ST3GAL1: variants seen among roughly 807,000 people sequenced by gnomAD.
ST3GAL1 encodes CMP-N-acetylneuraminate-beta-galactosamide-alpha-2,3-sialyltransferase 1.
A neutral mutation model predicts 34.1 loss-of-function variants in ST3GAL1; 16 were observed. The ratio of observed to expected loss-of-function variants is 0.47; its 90% CI spans 0.32 to 0.71. ST3GAL1 has a LOEUF of 0.71. ST3GAL1 is among the 30% of genes least tolerant of loss of function. The pLI, the probability that ST3GAL1 is intolerant of heterozygous loss-of-function variation, is 0.04. For missense variants in ST3GAL1, 353 were observed against 447.4 expected, an observed-to-expected ratio of 0.79 and a Z score of 1.90; for synonymous variants, 191 against 184.7, an observed-to-expected ratio of 1.03 and a Z score of -0.28.
At chr8:133,490,618 C>A (rs1816757894) in intron 3 of ST3GAL1, among the ~76,000 whole-genome samples, 1 of 152,142 alleles carries the variant, frequency 6.6e-6, no homozygotes, top group South Asian at 2.1e-4. Flanking sequence ...GGAGGGTAAA[C>A]CAGGCCTGTG....
chr8:133,468,706 G>A lies in ST3GAL1; in HGVS notation c.307-2616C>T, dbSNP rs186893308. On this transcript the variant is annotated intron_variant, in intron 5 of 9. Coordinates refer to ENST00000522652, the MANE Select transcript of ST3GAL1 (RefSeq NM_173344.3). ...GATTCTGATGGGATCATCCAGGGTGGCTCCATGATCCTGAATGTGCGGAAA... is the reference window on the plus strand; with the variant it reads ...GATTCTGATGGGATCATCCAGGGTGACTCCATGATCCTGAATGTGCGGAAA... 7.9e-5 allele frequency among the ~76,000 whole-genome samples: 12 copies of A among 152,322 alleles called. No individual in the cohort carries two copies. The East Asian group carries it at 1.5e-3, about 20-fold the overall frequency.
chr8:133,554,056 T>G (rs1261216837), intron 1 of ST3GAL1, among the ~76,000 whole-genome samples: 1 of 152,120 alleles, frequency 6.6e-6, no homozygotes, highest in Non-Finnish European at 1.5e-5. Flanking sequence ...ATCCACCCAA[T>G]CAGGGCTGTA....
chr8:133,541,398 G>A (rs915260577), intron 2 of ST3GAL1, among the ~76,000 whole-genome samples: 4 of 152,072 alleles, frequency 2.6e-5, no homozygotes, highest in South Asian at 4.2e-4. Flanking sequence ...CTGCAGAGAC[G>A]CCTGGTTCTG....
chr8:133,564,519 T>TACACACACACAC (rs60855292), intron 1 of ST3GAL1, among the ~76,000 whole-genome samples: 5,264 of 145,842 alleles, frequency 0.036, 143 homozygotes, highest in East Asian at 0.063. Flanking sequence ...AAAGAGAAAA[T>TACACACACACAC]ACACACACAC....
chr8:133,468,315 T>C (rs915581560), intron 5 of ST3GAL1, among the ~76,000 whole-genome samples: 11 of 152,188 alleles, frequency 7.2e-5, no homozygotes, highest in Non-Finnish European at 1.6e-4. Context: ...GGTTACAACA[T>C]GGATGGACCT....
At chr8:133,551,583 AAAGAAAG>A (rs1348374027) in intron 1 of ST3GAL1, among the ~76,000 whole-genome samples, 2 of 150,724 alleles carry the variant, frequency 1.3e-5, no homozygotes, top group Non-Finnish European at 2.9e-5. Flanking sequence ...AGAAAGAAAG[AAAGAAAG>A]AAAGAAAGAA....
At position 133,463,394 on chromosome 8, in the gene ST3GAL1, G is replaced by A; in HGVS notation, c.729+20C>T. The A allele has an allele frequency of 1.2e-6, 2 of 1,613,676 alleles. No homozygotes were observed. The highest frequency in any genetic ancestry group is 1.1e-5 in the South Asian group (1 of 90,892). ...GAGGAAGCCTGAACTTAGAACAGAG[G>A]GGCCGGGGCCTCCACTCACCTTATC... On this transcript the variant is annotated intron_variant, in intron 8 of 9. Transcript: ENST00000522652.
intron 1 of ST3GAL1, among the ~76,000 whole-genome samples, chr8:133,563,279 T>A (rs1395489681): frequency 6.6e-6 from 1 of 152,204 alleles, no homozygotes; most frequent in East Asian, 1.9e-4. Flanking sequence ...TCTTTTTAAT[T>A]CTGCCAAATA....
chr8:133,539,052 A>G (rs1047272656), intron 2 of ST3GAL1, among the ~76,000 whole-genome samples: 1 of 152,216 alleles, frequency 6.6e-6, no homozygotes, highest in African/African-American at 2.4e-5. Flanking sequence ...TAAGGGCCAC[A>G]GCCAGCCCTG....
intron 2 of ST3GAL1, among the ~76,000 whole-genome samples, chr8:133,529,046 GC>G (rs1265806504): frequency 6.6e-6 from 1 of 152,248 alleles, no homozygotes; most frequent in Non-Finnish European, 1.5e-5. Flanking sequence ...GAGAAACACA[GC>G]ACAGGTGGGA....
intron 3 of ST3GAL1, among the ~76,000 whole-genome samples, chr8:133,491,888 C>A (rs1292802528): frequency 4.6e-5 from 7 of 152,116 alleles, no homozygotes; most frequent in Non-Finnish European, 8.8e-5. Flanking sequence ...ATACCTGGGC[C>A]CCAGAGGAGA....
intron 2 of ST3GAL1, among the ~76,000 whole-genome samples, chr8:133,513,230 C>T (rs921329276): frequency 3.3e-5 from 5 of 152,174 alleles, no homozygotes; most frequent in African/African-American, 1.2e-4. Context: ...GATGCCTCGG[C>T]CTTCACTCGT....
At chr8:133,463,370 A>T in intron 8 of ST3GAL1, 44 bp downstream of exon 8, 2 of 1,608,846 alleles carry the variant, frequency 1.2e-6, no homozygotes, top group Non-Finnish European at 1.7e-6. Context: ...GCCTTAGATG[A>T]GGAAGCCTGA....
chr8:133,464,664 G>A (rs1329462269), intron 7 of ST3GAL1, 114 bp downstream of exon 7: 8 of 1,184,408 alleles, frequency 6.8e-6, no homozygotes, highest in Non-Finnish European at 9.5e-6. Context: ...GCCGGAGGAG[G>A]CTGGGGGAGG....
chr8:133,479,858 G>A (rs1295920382), intron 3 of ST3GAL1, among the ~76,000 whole-genome samples: 1 of 152,174 alleles, frequency 6.6e-6, no homozygotes, highest in African/African-American at 2.4e-5. Flanking sequence ...GGATAAAACT[G>A]CAATGGAAAA....
chr8:133,512,580 T>A (rs562774149), intron 2 of ST3GAL1, among the ~76,000 whole-genome samples: 81 of 152,126 alleles, frequency 5.3e-4, no homozygotes, highest in Non-Finnish European at 1.1e-3. Flanking sequence ...ACACATACCA[T>A]CATCTCGGAG....
At chr8:133,492,851 A>T (rs1022858503) in intron 3 of ST3GAL1, among the ~76,000 whole-genome samples, 1 of 152,210 alleles carries the variant, frequency 6.6e-6, no homozygotes, top group Non-Finnish European at 1.5e-5. Flanking sequence ...GGGAGCGTCC[A>T]TGCGGCAGGG....
intron 2 of ST3GAL1, among the ~76,000 whole-genome samples, chr8:133,533,117 C>T (rs957136204): frequency 3.3e-5 from 5 of 152,150 alleles, no homozygotes; most frequent in African/African-American, 1.2e-4. Flanking sequence ...CCTGGATTTC[C>T]ATGGAATGTG....
chr8:133,508,007 A>C lies in ST3GAL1; in HGVS notation c.-428-8818T>G, dbSNP rs1817394671. ...GAGCTGCCTCCCCTGGGAGGTGCCCACCCTCTCACCCCCCACACCCTAGGC... is the reference window on the plus strand; with the variant it reads ...GAGCTGCCTCCCCTGGGAGGTGCCCCCCCTCTCACCCCCCACACCCTAGGC... On this transcript the variant is annotated intron_variant, in intron 2 of 9. Coordinates refer to ENST00000522652, the MANE Select transcript of ST3GAL1 (RefSeq NM_173344.3). The surrounding 1 kb of genome is among the most constrained non-coding windows in gnomAD (Gnocchi z 4.1). Among the ~76,000 whole-genome samples the C allele has an allele frequency of 6.6e-6, 1 of 151,932 alleles. No homozygotes were observed. Among genetic ancestry groups the C allele is most frequent in the Non-Finnish European group, 1.5e-5 (1 of 67,966 alleles).
Sources: allele counts gnomAD v4.1 joint callset (sites outside exome capture counted in the v4.1 genomes callset), GRCh38; gene constraint gnomAD v4.1.1; non-coding constraint Gnocchi (gnomAD v3.1); transcripts MANE v1.5; gene names NCBI Gene and HGNC (gene_info 2026-07-23, HGNC 2026-07-21).